The following RNLS variants were observed in gnomAD, a reference collection of about 807,000 sequenced individuals.
The protein encoded by RNLS is renalase, FAD dependent amine oxidase, also known as renalase.
A neutral mutation model predicts 39.8 loss-of-function variants in RNLS; 39 were observed. That is an observed-to-expected ratio of 0.98 (90% CI 0.76 to 1.28). The LOEUF is 1.28. Ranked by LOEUF, RNLS falls within the 50% of genes most tolerant of loss-of-function variation. The pLI, the probability that RNLS is intolerant of heterozygous loss-of-function variation, is 0.00. For synonymous variants in RNLS, 147 were observed against 150.7 expected (o/e 0.98, Z 0.18); for missense variants, 410 against 413.3 (o/e 0.99, Z 0.07).
At chr10:88,456,456 C>T (rs1842633530) in intron 4 of RNLS, among the ~76,000 whole-genome samples, 1 of 151,784 alleles carries the variant, frequency 6.6e-6, no homozygotes. Flanking sequence ...ATTGTAGGGA[C>T]CATGGTGATT....
At chr10:88,275,022 G>A (rs1284569739) in exon 7 of RNLS, 2 of 1,612,814 alleles carry the variant, frequency 1.2e-6, no homozygotes, top group Non-Finnish European at 1.7e-6. Context: ...AATCACACCA[G>A]CACTTGGTAC....
chr10:88,427,773 T>C (rs1163467716), intron 4 of RNLS, among the ~76,000 whole-genome samples: 2 of 152,020 alleles, frequency 1.3e-5, no homozygotes, highest in Non-Finnish European at 2.9e-5. Flanking sequence ...ATATCTTCCA[T>C]ATGCTGTGCA....
chr10:88,245,642 AT>A, the RNLS span, among the ~76,000 whole-genome samples: 3 of 150,312 alleles, frequency 2.0e-5, no homozygotes, highest in African/African-American at 4.9e-5. Flanking sequence ...TTTTCTTTTC[AT>A]TTTTTTTTCT....
chr10:88,421,672 T>G (rs1295635539), intron 4 of RNLS, among the ~76,000 whole-genome samples: 1 of 152,200 alleles, frequency 6.6e-6, no homozygotes, highest in African/African-American at 2.4e-5. Flanking sequence ...ATTACATGTA[T>G]GATCAGTGAA....
intron 3 of RNLS, among the ~76,000 whole-genome samples, chr10:88,581,276 A>ATGTG (rs1564920956): frequency 3.7e-5 from 5 of 133,928 alleles, no homozygotes; most frequent in African/African-American, 1.2e-4. Context: ...AGAAATATAT[A>ATGTG]TGTATGTGTG....
chr10:88,535,381 C>T (rs10736358), intron 4 of RNLS, among the ~76,000 whole-genome samples: 55,508 of 150,030 alleles, frequency 0.37, 11,511 homozygotes, highest in African/African-American at 0.57. Context: ...AGGTTGGAAA[C>T]GGGAGAGGGA....
At chr10:88,390,214 C>T (rs755200934) in intron 4 of RNLS, among the ~76,000 whole-genome samples, 1 of 152,158 alleles carries the variant, frequency 6.6e-6, no homozygotes, top group Non-Finnish European at 1.5e-5. Context: ...TTTCACGTGT[C>T]TTCACAAGGA....
At chr10:88,319,870 C>A (rs753608327) in intron 5 of RNLS, among the ~76,000 whole-genome samples, 1 of 151,996 alleles carries the variant, frequency 6.6e-6, no homozygotes, top group Non-Finnish European at 1.5e-5. Context: ...ATATTGGAGA[C>A]AGTAATTCAG....
intron 4 of RNLS, among the ~76,000 whole-genome samples, chr10:88,510,070 C>T (rs1589925031): frequency 6.6e-6 from 1 of 152,062 alleles, no homozygotes; most frequent in Non-Finnish European, 1.5e-5. Flanking sequence ...TATAAATGAA[C>T]ATTTAGAAAA....
chr10:88,577,280 T>C (rs1050075623), intron 3 of RNLS, among the ~76,000 whole-genome samples: 17 of 152,090 alleles, frequency 1.1e-4, no homozygotes, highest in African/African-American at 4.1e-4. Context: ...CTTCATACTA[T>C]AGGAAAATAA....
intron 4 of RNLS, among the ~76,000 whole-genome samples, chr10:88,407,448 T>G (rs1370789755): frequency 6.6e-6 from 1 of 151,622 alleles, no homozygotes; most frequent in Non-Finnish European, 1.5e-5. Context: ...TGGATTGATG[T>G]GAGAGGAGAA....
At chr10:88,345,591 C>G (rs1328565474) in intron 5 of RNLS, among the ~76,000 whole-genome samples, 2 of 152,078 alleles carry the variant, frequency 1.3e-5, no homozygotes, top group African/African-American at 4.8e-5. Context: ...GGACCAAAAC[C>G]ATAAAATAAT....
intron 4 of RNLS, among the ~76,000 whole-genome samples, chr10:88,476,785 T>C (rs117103830): frequency 2.5e-4 from 38 of 152,276 alleles, no homozygotes; most frequent in Middle Eastern, 6.8e-3. Context: ...AAAACCTTCA[T>C]GAAAGGGTTG....
chr10:88,416,059 G>C (rs1394478555), intron 4 of RNLS, among the ~76,000 whole-genome samples: 1 of 151,700 alleles, frequency 6.6e-6, no homozygotes, highest in African/African-American at 2.4e-5. Flanking sequence ...TCTTGTTTCT[G>C]TCCTAATGAG....
chr10:88,568,996 A>C (rs533431268), intron 4 of RNLS, among the ~76,000 whole-genome samples: 1 of 152,332 alleles, frequency 6.6e-6, no homozygotes, highest in East Asian at 1.9e-4. Context: ...TGTTTTAACA[A>C]GTCTTCCAGG....
At chr10:88,528,852 CAAAA>C (rs35644317) in intron 4 of RNLS, among the ~76,000 whole-genome samples, 4 of 91,218 alleles carry the variant, frequency 4.4e-5, no homozygotes, top group Admixed American at 2.3e-4. Context: ...GACTCCGTCT[CAAAA>C]AAAAAAAAAA....
the RNLS span, among the ~76,000 whole-genome samples, chr10:88,230,799 C>T: frequency 6.6e-6 from 1 of 152,276 alleles, no homozygotes; most frequent in East Asian, 1.9e-4. Flanking sequence ...ATGGGATTAT[C>T]CCATTGGTTC....
the RNLS span, among the ~76,000 whole-genome samples, chr10:88,187,813 G>A: frequency 3.3e-5 from 5 of 152,186 alleles, no homozygotes; most frequent in South Asian, 1.0e-3. Context: ...TCTTTTTCCC[G>A]ATTTACCTTA....
chr10:88,421,068 CAG>C (rs1195797011), intron 4 of RNLS, among the ~76,000 whole-genome samples: 1 of 152,198 alleles, frequency 6.6e-6, no homozygotes, highest in East Asian at 1.9e-4. Flanking sequence ...AGAAAAGTAT[CAG>C]TTCCTTGGGA....
Sources: allele counts gnomAD v4.1 joint callset (sites outside exome capture counted in the v4.1 genomes callset), GRCh38; gene constraint gnomAD v4.1.1; transcripts MANE v1.5; gene names NCBI Gene and HGNC (gene_info 2026-07-23, HGNC 2026-07-21).